The following MBTPS1 variants were observed in gnomAD, a reference collection of about 807,000 sequenced individuals.
The protein encoded by MBTPS1 is membrane bound transcription factor peptidase, site 1.
A neutral mutation model predicts 127.8 loss-of-function variants in MBTPS1; 94 were observed. The ratio of observed to expected loss-of-function variants is 0.74; its 90% CI spans 0.62 to 0.87. The LOEUF (loss-of-function observed/expected upper bound fraction) is 0.87, where lower values mean the gene tolerates loss of function less well. Ranked by LOEUF, MBTPS1 falls within the 40% of genes least tolerant of loss-of-function variation. MBTPS1 has a pLI of 0.00. For missense variants in MBTPS1, 1,636 were observed against 1,353.2 expected, an observed-to-expected ratio of 1.21 and a Z score of -3.28; for synonymous variants, 632 against 509.4, an observed-to-expected ratio of 1.24 and a Z score of -3.24.
chr16:84,064,013 G>C (rs910205841), intron 18 of MBTPS1, among the ~76,000 whole-genome samples: 1 of 152,112 alleles, frequency 6.6e-6, no homozygotes, highest in Non-Finnish European at 1.5e-5. Flanking sequence ...TGTTCCAATA[G>C]CACAGCCTCC....
intron 8 of MBTPS1, among the ~76,000 whole-genome samples, chr16:84,089,033 G>C (rs1447544280): frequency 6.6e-6 from 1 of 152,252 alleles, no homozygotes; most frequent in Non-Finnish European, 1.5e-5. Context: ...AAGCCACAGG[G>C]TTTCAGAACG....
chr16:84,092,341 A>C (rs1276975211), intron 6 of MBTPS1, among the ~76,000 whole-genome samples: 2 of 152,256 alleles, frequency 1.3e-5, no homozygotes, highest in African/African-American at 2.4e-5. Context: ...TTCCTTACAA[A>C]AGCTTCATTA....
At chr16:84,058,032 T>C (rs1228052456) in intron 21 of MBTPS1, 2 of 152,176 alleles carry the variant, frequency 1.3e-5, no homozygotes, top group African/African-American at 4.8e-5. Flanking sequence ...GCTAGGCTAA[T>C]AGAAGGTTAT....
intron 3 of MBTPS1, among the ~76,000 whole-genome samples, chr16:84,097,837 C>CGTGTGTATGTGTGTGTGTGTGTGTGT (rs377529384): frequency 7.0e-6 from 1 of 143,026 alleles, no homozygotes; most frequent in African/African-American, 2.6e-5. Flanking sequence ...AACTTCTCTT[C>CGTGTGTATGTGTGTGTGTGTGTGTGT]GTGTGTGTGT....
At chr16:84,077,893 C>A (rs1481821195) in intron 11 of MBTPS1, among the ~76,000 whole-genome samples, 1 of 151,696 alleles carries the variant, frequency 6.6e-6, no homozygotes, top group African/African-American at 2.4e-5. Context: ...GACCAAAAAC[C>A]CCATTGAAAA....
intron 11 of MBTPS1, among the ~76,000 whole-genome samples, chr16:84,075,984 G>C (rs1352021552): frequency 6.6e-6 from 1 of 152,174 alleles, no homozygotes; most frequent in Non-Finnish European, 1.5e-5. Context: ...GCTGGTAATT[G>C]TGCTCTGTAA....
At chr16:84,103,515 G>C (rs1319225656) in intron 1 of MBTPS1, among the ~76,000 whole-genome samples, 2 of 152,098 alleles carry the variant, frequency 1.3e-5, no homozygotes, top group African/African-American at 4.8e-5. Flanking sequence ...GCCTCCCAAA[G>C]TGTTGAGATT....
At chr16:84,114,456 T>C (rs188975843) in intron 1 of MBTPS1, among the ~76,000 whole-genome samples, 1 of 152,280 alleles carries the variant, frequency 6.6e-6, no homozygotes, top group African/African-American at 2.4e-5. Context: ...TCTCCTTTTA[T>C]TCTTACCCCT....
chr16:84,056,150 A>G lies in MBTPS1; in HGVS notation c.2832-15T>C. The G allele has an allele frequency of 6.2e-7, 1 of 1,610,926 alleles. No homozygotes were observed. Among genetic ancestry groups the G allele is most frequent in the South Asian group, 1.1e-5 (1 of 91,024 alleles). On this transcript the variant is annotated splice_polypyrimidine_tract_variant and intron_variant, in intron 21 of 22. Transcript: ENST00000343411. ...TCCAAAGGTTACTTCAGGAAAATGG[A>G]TTAAAACAAAACAAAAATAAGCCAT...
intron 20 of MBTPS1, 86 bp downstream of exon 20, chr16:84,060,596 G>T (rs2085594935): frequency 8.7e-6 from 13 of 1,496,726 alleles, no homozygotes; most frequent in Non-Finnish European, 1.2e-5. Flanking sequence ...GGCCCCACTT[G>T]CTGGCAGGCA....
chr16:84,067,540 AG>A (rs2085703456), intron 16 of MBTPS1, 126 bp downstream of exon 16: 3 of 743,208 alleles, frequency 4.0e-6, no homozygotes, highest in Non-Finnish European at 4.4e-6. Flanking sequence ...TTTCTAATCA[AG>A]CTCTCTGAAT....
intron 9 of MBTPS1, chr16:84,086,141 A>G (rs534370240): frequency 6.6e-6 from 1 of 152,384 alleles, no homozygotes; most frequent in Admixed American, 6.5e-5. Context: ...ACATACTGGG[A>G]TACCGAGTAA....
In MBTPS1 at chr16:84,060,720, G is replaced by T. The variant is rs527858793; in HGVS notation, c.2666C>A (p.Pro889His). ...TGGAGTGACTGAGCCTGCTCCACTG[G>T]GAGGGCGCTGGCGGTTCCCAGAGTG... is the stretch of plus-strand genomic sequence containing the variant. ...LSHSGNRQRP[P>H]SGAGSVTPER... is the part of the protein sequence containing the mutation. The change falls in exon 20 of 23, where the codon CCC (proline) becomes CAC (histidine). Residue 889 changes from proline (P) to histidine (H), a missense_variant. Pro to His is a moderately conservative substitution (Grantham distance 77, BLOSUM62 -2). Transcript: ENST00000343411. 2.5e-6 allele frequency: 4 copies of T among 1,613,716 alleles called. No individual in the cohort carries two copies. Among genetic ancestry groups the T allele is most frequent in the Non-Finnish European group, 3.4e-6 (4 of 1,179,914 alleles).
intron 21 of MBTPS1, chr16:84,056,383 G>A: frequency 2.6e-6 from 1 of 387,690 alleles, no homozygotes; most frequent in East Asian, 4.8e-5. Flanking sequence ...AATATGACCA[G>A]CAGGAGCCTG....
At chr16:84,059,611 A>T in intron 20 of MBTPS1, 183 bp from the exon 21 acceptor site, 1 of 511,718 alleles carries the variant, frequency 2.0e-6, no homozygotes, top group South Asian at 2.4e-5. Context: ...CTCCCGGACA[A>T]TGTGTGTTTC....
At chr16:84,067,397 G>A (rs1351930694) in intron 16 of MBTPS1, among the ~76,000 whole-genome samples, 1 of 152,140 alleles carries the variant, frequency 6.6e-6, no homozygotes, top group Non-Finnish European at 1.5e-5. Flanking sequence ...CTGACACCCA[G>A]GCTGGAGTAC....
intron 10 of MBTPS1, among the ~76,000 whole-genome samples, chr16:84,084,200 C>T (rs2085985073): frequency 6.6e-6 from 1 of 152,192 alleles, no homozygotes; most frequent in Admixed American, 6.5e-5. Context: ...CTCAGGTGAC[C>T]TGCTGCCTCA....
Position 84,069,965 on chromosome 16 carries a change from C to T in MBTPS1, c.1856G>A (p.Arg619Gln), listed in dbSNP as rs1205577462. The T allele has an allele frequency of 7.4e-6, 12 of 1,613,842 alleles. No individual in the cohort carries two copies. The highest frequency in any genetic ancestry group is 1.0e-5 in the Non-Finnish European group (12 of 1,179,964). The change falls in exon 14 of 23, where the codon CGA (arginine) becomes CAA (glutamine). Residue 619 changes from arginine to glutamine, a missense_variant. Transcript: ENST00000343411. ...CTGATCCCAGAGAACTCTCTTGCTT[C>T]GCGGGGGAGTAGGAATTATCTTCAC... is the stretch of plus-strand genomic sequence containing the variant. ...IKVKIIPTPP[R>Q]SKRVLWDQYH... is the part of the protein sequence containing the mutation.
intron 12 of MBTPS1, among the ~76,000 whole-genome samples, chr16:84,072,406 C>T (rs889201945): frequency 6.6e-6 from 1 of 152,208 alleles, no homozygotes; most frequent in African/African-American, 2.4e-5. Context: ...TATACTAAAA[C>T]CCACCAAACT....
Sources: allele counts gnomAD v4.1 joint callset (sites outside exome capture counted in the v4.1 genomes callset), GRCh38; gene constraint gnomAD v4.1.1; transcripts MANE v1.5; gene names NCBI Gene and HGNC (gene_info 2026-07-23, HGNC 2026-07-21).